TMPRSS2: variants seen among roughly 807,000 people sequenced by gnomAD.
TMPRSS2 encodes transmembrane protease serine 2.
In TMPRSS2, 59 loss-of-function variants were observed where a neutral mutation model predicts 67.4. The ratio of observed to expected loss-of-function variants is 0.88; its 90% confidence interval spans 0.71 to 1.09. TMPRSS2 has a LOEUF of 1.09. TMPRSS2 is among the 50% of genes least tolerant of loss of function. The pLI is 0.00. For synonymous variants in TMPRSS2, 257 were observed against 257.0 expected, an observed-to-expected ratio of 1.00 and a Z score of 0.00; for missense variants, 668 against 642.7, an observed-to-expected ratio of 1.04 and a Z score of -0.43.
chr21:41,468,851 G>A (rs1287568166), intron 11 of TMPRSS2: 2 of 295,614 alleles, frequency 6.8e-6, no homozygotes. Flanking sequence ...GCTTGGTTCT[G>A]CTGAACCAAT....
In TMPRSS2 at chr21:41,467,832, C is replaced by CT; in HGVS notation, c.1368dup (p.Gly457ArgfsTer65). The CT allele has an allele frequency of 6.2e-7, 1 of 1,614,272 alleles. No homozygotes were observed. Among genetic ancestry groups the CT allele is most frequent in the Non-Finnish European group, 8.5e-7 (1 of 1,180,058 alleles). ...CAGCCAGAACCCCAGCTTGTATCCC[C>CT]TATCAGCCACCAGATATTGTTCTTC... On this transcript the variant is annotated frameshift_variant, in exon 13 of 14. Coordinates refer to ENST00000332149, the MANE Select transcript of TMPRSS2 (RefSeq NM_005656.4). LOFTEE classifies it high-confidence loss of function.
chr21:41,466,032 A>C lies in TMPRSS2; in HGVS notation c.*110T>G. ...AAGCCAGACAAGTTCACTGTTTAAT[A>C]AAAATGAAGTGACCTCTGAATCATC... On this transcript the variant is annotated 3_prime_UTR_variant, in exon 14 of 14. Coordinates refer to ENST00000332149, the MANE Select transcript of TMPRSS2 (RefSeq NM_005656.4). 2.2e-6 allele frequency: 3 copies of C among 1,375,128 alleles called. No individual in the cohort carries two copies. The highest frequency in any genetic ancestry group is 3.1e-6 in the Non-Finnish European group (3 of 978,000). 85.2% of individuals were successfully genotyped at this position (1,375,128 alleles called of 1,614,324 possible). A position where few individuals can be genotyped will look rare whatever the true frequency, so the allele number is the denominator to read the frequency against.
At chr21:41,484,660 C>T (rs1232541614) in intron 5 of TMPRSS2, among the ~76,000 whole-genome samples, 1 of 151,954 alleles carries the variant, frequency 6.6e-6, no homozygotes, top group African/African-American at 2.4e-5. Flanking sequence ...AAACTGAAGC[C>T]GGTCTAGGTC....
At chr21:41,469,389 T>C (rs1192244646) in intron 11 of TMPRSS2, among the ~76,000 whole-genome samples, 3 of 151,734 alleles carry the variant, frequency 2.0e-5, no homozygotes, top group Non-Finnish European at 4.4e-5. Context: ...TCTCCATCCA[T>C]TCATCCCCAC....
intron 1 of TMPRSS2, among the ~76,000 whole-genome samples, chr21:41,499,307 G>A (rs1450092408): frequency 6.6e-6 from 1 of 152,212 alleles, no homozygotes; most frequent in African/African-American, 2.4e-5. Context: ...ATGCTGTATA[G>A]TAAAGCCGCA....
rs1417178176 is a variant in TMPRSS2 at position 41,465,705 on chromosome 21, C to T, written c.*437G>A. The T allele has an allele frequency of 3.8e-6, 1 of 259,850 alleles. No homozygotes were observed. The highest frequency in any genetic ancestry group is 2.2e-5 in the African/African-American group (1 of 45,918). 16.1% of individuals were successfully genotyped at this position (259,850 alleles called of 1,614,324 possible). On this transcript the variant is annotated 3_prime_UTR_variant, in exon 14 of 14. Coordinates refer to ENST00000332149, the MANE Select transcript of TMPRSS2 (RefSeq NM_005656.4). Reference sequence around the variant, plus strand: ...GTGGAGAGGTAGGCTGGGGACACTACCAAGTGGCCCCAGAGGGCAGCCGCT... The same window carrying T: ...GTGGAGAGGTAGGCTGGGGACACTATCAAGTGGCCCCAGAGGGCAGCCGCT...
rs1569008278 is a variant in TMPRSS2 at position 41,467,787 on chromosome 21, C to T, written c.1414G>A (p.Gly472Arg). 6.2e-7 allele frequency: 1 copy of T among 1,614,256 alleles called. No homozygotes were observed. Among genetic ancestry groups the T allele is most frequent in the African/African-American group, 1.3e-5 (1 of 75,060 alleles). ...AATACCATCACATTCCCGTACACTC[C>T]TGGTCTGTAAGCTTTGGCACAGCCA... is the stretch of plus-strand genomic sequence containing the variant. ...GSGCAKAYRP[G>R]VYGNVMVFTD... The change falls in exon 13 of 14, where the codon GGA becomes AGA. Residue 472 changes from glycine (G) to arginine (R), a missense_variant. Transcript: ENST00000332149.
At chr21:41,479,062 T>A (rs1002535445) in intron 7 of TMPRSS2, 110 bp downstream of exon 7, 1 of 837,506 alleles carries the variant, frequency 1.2e-6, no homozygotes, top group Non-Finnish European at 1.9e-6. Flanking sequence ...GCAAAACCCA[T>A]CCAGACCGAG....
chr21:41,500,463 T>C (rs1224163482), intron 1 of TMPRSS2, among the ~76,000 whole-genome samples: 1 of 152,166 alleles, frequency 6.6e-6, no homozygotes, highest in Non-Finnish European at 1.5e-5. Flanking sequence ...CAGTACACCA[T>C]CGCTTTCCTG....
chr21:41,485,020 G>T (rs772221198), intron 5 of TMPRSS2, among the ~76,000 whole-genome samples: 2 of 151,858 alleles, frequency 1.3e-5, no homozygotes, highest in African/African-American at 4.8e-5. Flanking sequence ...AAGCAACTCA[G>T]ATGAGTTGCC....
Position 41,464,723 on chromosome 21 carries a change from G to A in TMPRSS2, c.*1419C>T. The A allele has an allele frequency of 4.3e-6, 1 of 233,302 alleles. No individual in the cohort carries two copies. The highest frequency in any genetic ancestry group is 8.5e-6 in the Non-Finnish European group (1 of 118,060). The allele number at this position is 233,302 out of a possible 1,614,324, so 14.5% of individuals were successfully genotyped here. On this transcript the variant is annotated 3_prime_UTR_variant, in exon 14 of 14. Transcript: ENST00000332149. ...TACAACACCTTTTAGGATGTGTCTT[G>A]GGGAGCAAGCACCTTACAGTGCCAA...
chr21:41,495,680 T>C (rs537357445), intron 2 of TMPRSS2, among the ~76,000 whole-genome samples: 1 of 139,110 alleles, frequency 7.2e-6, no homozygotes, highest in African/African-American at 2.7e-5. Context: ...CCATGAAAAA[T>C]GGGTCCTTCA....
At chr21:41,481,381 C>T (rs996882699) in intron 5 of TMPRSS2, among the ~76,000 whole-genome samples, 8 of 152,086 alleles carry the variant, frequency 5.3e-5, no homozygotes, top group African/African-American at 1.9e-4. Context: ...TGTGAGCCCA[C>T]GTATTGCATG....
intron 5 of TMPRSS2, among the ~76,000 whole-genome samples, chr21:41,484,390 G>A (rs2091280198): frequency 6.6e-6 from 1 of 152,204 alleles, no homozygotes; most frequent in South Asian, 2.1e-4. Context: ...GAAGTAGAAA[G>A]TGAATTAGTG....
intron 11 of TMPRSS2, chr21:41,468,794 A>C: frequency 2.2e-6 from 1 of 462,648 alleles, no homozygotes; most frequent in Non-Finnish European, 3.9e-6. Context: ...CTCTGAAACT[A>C]TAGGGCTCTA....
chr21:41,500,928 C>T (rs1052191181), intron 1 of TMPRSS2, among the ~76,000 whole-genome samples: 2 of 152,198 alleles, frequency 1.3e-5, no homozygotes. Context: ...TCAAAGAGTC[C>T]TGCCTAACCA....
rs1601581671 is a variant in TMPRSS2 at position 41,488,383 on chromosome 21, G to A, written c.445+11C>T. ...CAGAGGAGTCCCTTCCCAAGGTCAAGGCTGACTCACCACACCGATTCTCGT... is the reference window on the plus strand; with the variant it reads ...CAGAGGAGTCCCTTCCCAAGGTCAAAGCTGACTCACCACACCGATTCTCGT... On this transcript the variant is annotated intron_variant, in intron 5 of 13. Transcript: ENST00000332149. The A allele has an allele frequency of 6.2e-7, 1 of 1,610,160 alleles. No homozygotes were observed. The highest frequency in any genetic ancestry group is 8.5e-7 in the Non-Finnish European group (1 of 1,177,648).
chr21:41,503,706 C>T (rs2091438510), intron 1 of TMPRSS2, among the ~76,000 whole-genome samples: 1 of 152,186 alleles, frequency 6.6e-6, no homozygotes, highest in African/African-American at 2.4e-5. Flanking sequence ...TTCCTCAAAC[C>T]TAAAAATGTA....
intron 2 of TMPRSS2, among the ~76,000 whole-genome samples, chr21:41,495,332 A>G (rs1282246161): frequency 6.6e-6 from 1 of 151,966 alleles, no homozygotes; most frequent in Non-Finnish European, 1.5e-5. Context: ...ACATACAAAA[A>G]TACAGATTTG....
Sources: allele counts gnomAD v4.1 joint callset (sites outside exome capture counted in the v4.1 genomes callset), GRCh38; gene constraint gnomAD v4.1.1; transcripts MANE v1.5; gene names NCBI Gene and HGNC (gene_info 2026-07-23, HGNC 2026-07-21).